The following NAV3 variants were observed in gnomAD, a reference collection of about 807,000 sequenced individuals.
The protein encoded by NAV3 is pore membrane and/or filament interacting like protein 1.
A neutral mutation model predicts 244.7 loss-of-function variants in NAV3; 87 were observed. That is an observed-to-expected ratio of 0.36 (90% CI 0.30 to 0.42). The LOEUF (loss-of-function observed/expected upper bound fraction) is 0.42, where lower values mean the gene tolerates loss of function less well. NAV3 is among the 20% of genes least tolerant of loss of function. The pLI is 1.00. For missense variants in NAV3, 2,663 were observed against 2,893.3 expected, an observed-to-expected ratio of 0.92 and a Z score of 1.83; for synonymous variants, 1,126 against 1,042.2, an observed-to-expected ratio of 1.08 and a Z score of -1.55.
At chr12:77,886,218 A>G (rs1883271622) in intron 1 of NAV3, among the ~76,000 whole-genome samples, 1 of 152,108 alleles carries the variant, frequency 6.6e-6, no homozygotes, top group South Asian at 2.1e-4. Flanking sequence ...TAAAACTACC[A>G]TGACCTGGTC....
At chr12:77,727,577 A>G (rs912027126) in intron 2 of NAV3, among the ~76,000 whole-genome samples, 10 of 152,000 alleles carry the variant, frequency 6.6e-5, no homozygotes, top group African/African-American at 2.4e-4. Flanking sequence ...CCAGGGAGAC[A>G]GAATAACATG....
At position 77,792,867 on chromosome 12, in the gene NAV3, A is replaced by G. The variant is rs112891433; in HGVS notation, c.73-147452A>G. ...CTAATAGATGGGAGATTTGGCCAGT[A>G]AATAATCTGATCCCCCAATTACTAC... On this transcript the variant is annotated intron_variant, in intron 2 of 8. Coordinates refer to the NAV3 transcript ENST00000550042. Among the ~76,000 whole-genome samples the G allele has an allele frequency of 5.9e-3, 896 of 152,246 alleles. 9 individuals carry two copies. The highest frequency in any genetic ancestry group is 0.021 in the African/African-American group (862 of 41,548).
chr12:77,906,178 T>G (rs1181506190), intron 1 of NAV3, among the ~76,000 whole-genome samples: 1 of 151,858 alleles, frequency 6.6e-6, no homozygotes, highest in African/African-American at 2.4e-5. Context: ...GAGAGAAGAA[T>G]AAAGCAGGGA....
chr12:77,964,355 C>G (rs968761727), intron 3 of NAV3, among the ~76,000 whole-genome samples: 20 of 152,114 alleles, frequency 1.3e-4, no homozygotes, highest in African/African-American at 4.8e-4. Flanking sequence ...TTCCTTCTTT[C>G]TATAAAAGGC....
intron 2 of NAV3, among the ~76,000 whole-genome samples, chr12:77,727,793 T>C (rs967712610): frequency 2.0e-5 from 3 of 151,942 alleles, no homozygotes; most frequent in East Asian, 3.9e-4. Flanking sequence ...CCAGTTATAC[T>C]GTTAGGAAAT....
At chr12:78,077,449 A>G (rs1434957242) in intron 12 of NAV3, among the ~76,000 whole-genome samples, 1 of 152,214 alleles carries the variant, frequency 6.6e-6, no homozygotes, top group Non-Finnish European at 1.5e-5. Context: ...TTTTCTAACT[A>G]TTTAGAAATG....
intron 12 of NAV3, among the ~76,000 whole-genome samples, chr12:78,089,004 T>C (rs1382306952): frequency 6.6e-6 from 1 of 152,158 alleles, no homozygotes; most frequent in Non-Finnish European, 1.5e-5. Context: ...ATTGATCTCT[T>C]AGCATTTGGG....
At chr12:77,637,906 C>T (rs1872225477) in intron 2 of NAV3, among the ~76,000 whole-genome samples, 1 of 152,034 alleles carries the variant, frequency 6.6e-6, no homozygotes, top group Non-Finnish European at 1.5e-5. Context: ...AATAGTGTTT[C>T]CTTATTTGAC....
chr12:77,993,835 CA>C lies in NAV3; in HGVS notation c.672-967del, dbSNP rs372777324. Among the ~76,000 whole-genome samples the C allele has an allele frequency of 5.7e-3, 863 of 152,236 alleles. 5 individuals are homozygous for C. The highest frequency in any genetic ancestry group is 0.02 in the African/African-American group (822 of 41,542). On this transcript the variant is annotated intron_variant, in intron 5 of 39. Coordinates refer to ENST00000397909, the MANE Select transcript of NAV3 (RefSeq NM_001024383.2). ...GGAGGCCTTGAAAACTGTGCATGCA[CA>C]GCAACCGGATTCATGTCGAGCCATT...
intron 20 of NAV3, among the ~76,000 whole-genome samples, chr12:78,142,108 G>A (rs79609353): frequency 2.1e-3 from 323 of 152,110 alleles, no homozygotes; most frequent in African/African-American, 7.2e-3. Flanking sequence ...AAGAAGATTT[G>A]GAATGTTCCT....
At chr12:78,139,249 C>G (rs559977028) in intron 19 of NAV3, among the ~76,000 whole-genome samples, 26 of 152,228 alleles carry the variant, frequency 1.7e-4, no homozygotes, top group Non-Finnish European at 3.1e-4. Flanking sequence ...TGGTATCCTT[C>G]AATTCCATCC....
At chr12:77,800,269 A>G (rs2135967997) in intron 2 of NAV3, among the ~76,000 whole-genome samples, 1 of 152,304 alleles carries the variant, frequency 6.6e-6, no homozygotes, top group East Asian at 1.9e-4. Context: ...GGCTTTAGAA[A>G]TGAAAGTGTT....
chr12:77,664,858 T>A (rs1426956181), intron 2 of NAV3, among the ~76,000 whole-genome samples: 1 of 152,228 alleles, frequency 6.6e-6, no homozygotes, highest in East Asian at 1.9e-4. Flanking sequence ...TAGATTCTTC[T>A]GTGACAACAC....
chr12:77,866,423 C>T (rs780404154), intron 1 of NAV3, among the ~76,000 whole-genome samples: 3 of 152,252 alleles, frequency 2.0e-5, no homozygotes, highest in East Asian at 3.9e-4. Context: ...ACTCCAGAGG[C>T]CCCCTGGTCT....
chr12:77,865,441 T>C lies in NAV3; in HGVS notation c.243+33737T>C, dbSNP rs77658115. 7.5e-3 allele frequency among the ~76,000 whole-genome samples: 1,143 copies of C among 152,146 alleles called. 12 individuals carry two copies. Among genetic ancestry groups the C allele is most frequent in the African/African-American group, 0.024 (1,005 of 41,564 alleles). On this transcript the variant is annotated intron_variant, in intron 1 of 39. Coordinates refer to ENST00000397909, the MANE Select transcript of NAV3 (RefSeq NM_001024383.2). ...AGTCATCTGTTATTACAAATATATTTTCAAAGGGAGAATTTGAGGTTCTTT... is the reference window on the plus strand; with the variant it reads ...AGTCATCTGTTATTACAAATATATTCTCAAAGGGAGAATTTGAGGTTCTTT...
At chr12:77,993,840 A>C (rs1348288642) in intron 5 of NAV3, among the ~76,000 whole-genome samples, 2 of 152,032 alleles carry the variant, frequency 1.3e-5, no homozygotes, top group Non-Finnish European at 2.9e-5. Flanking sequence ...ATGCACAGCA[A>C]CCGGATTCAT....
chr12:77,968,371 C>G (rs1892694314), intron 4 of NAV3, 148 bp from the exon 5 acceptor site: 3 of 641,716 alleles, frequency 4.7e-6, no homozygotes, highest in Non-Finnish European at 8.1e-6. Context: ...TTCAGAAATT[C>G]AGGTTTGTTT....
chr12:78,188,368 A>G (rs768878848), intron 32 of NAV3, 25 bp downstream of exon 32: 15 of 1,536,454 alleles, frequency 9.8e-6, no homozygotes, highest in South Asian at 4.7e-5. Flanking sequence ...ACACCCTAAT[A>G]GTACTTTTCA....
intron 1 of NAV3, among the ~76,000 whole-genome samples, chr12:77,852,009 A>G (rs966658876): frequency 6.6e-6 from 1 of 152,216 alleles, no homozygotes; most frequent in Non-Finnish European, 1.5e-5. Flanking sequence ...GCTACTGCCT[A>G]TTTTGTAATT....
Sources: allele counts gnomAD v4.1 joint callset (sites outside exome capture counted in the v4.1 genomes callset), GRCh38; gene constraint gnomAD v4.1.1; transcripts MANE v1.5; gene names NCBI Gene and HGNC (gene_info 2026-07-23, HGNC 2026-07-21).